The following SCN10A variants were observed in gnomAD, a reference collection of about 807,000 sequenced individuals.
SCN10A encodes the protein sodium voltage-gated channel alpha subunit 10.
SCN10A carries 162 observed loss-of-function variants against 170.7 expected under a neutral mutation model. The observed-to-expected ratio is 0.95, with a 90% CI of 0.84 to 1.08. SCN10A has a LOEUF of 1.08. SCN10A is among the 50% of genes least tolerant of loss of function. The probability of loss-of-function intolerance (pLI) is 0.00; values close to 1 mark genes in which losing one functional copy is unlikely to be tolerated. For missense variants in SCN10A, 2,527 were observed against 2,436.9 expected, an observed-to-expected ratio of 1.04 and a Z score of -0.78; for synonymous variants, 985 against 904.6, an observed-to-expected ratio of 1.09 and a Z score of -1.59.
chr3:38,697,353 G>A lies in SCN10A; in HGVS notation c.5867C>T (p.Pro1956Leu). Residue 1956 changes from proline (P) to leucine (L), a missense_variant, in exon 28 of 28, where the codon CCC (proline) becomes CTC (leucine). Physicochemically the swap from Pro to Leu is moderately conservative, Grantham distance 98. Transcript: ENST00000449082. ...ATCCAGGCTGGAGTGTTCTCACTAG[G>A]GCCCAGGGGCAATCAGCTCCATACT... ...ATSMELIAPG[P>L] The A allele has an allele frequency of 6.2e-7, 1 of 1,613,192 alleles. No individual in the cohort carries two copies. The highest frequency in any genetic ancestry group is 1.1e-5 in the South Asian group (1 of 91,060).
At chr3:38,772,329 AAAAAAAAAAGAAAAG>A (rs1222078766) in intron 4 of SCN10A, among the ~76,000 whole-genome samples, 2 of 151,736 alleles carry the variant, frequency 1.3e-5, no homozygotes, top group African/African-American at 4.8e-5. Context: ...ACTGAAAAAA[AAAAAAAAAAGAAAAG>A]AAAAGAAAAG....
intron 20 of SCN10A, among the ~76,000 whole-genome samples, chr3:38,720,179 G>C (rs2063375631): frequency 1.3e-5 from 2 of 152,344 alleles, no homozygotes; most frequent in African/African-American, 4.8e-5. Flanking sequence ...ACTAAGATGG[G>C]AGATTATCCA....
chr3:38,804,220 TC>T (rs2064392341), intron 1 of SCN10A, among the ~76,000 whole-genome samples: 1 of 152,166 alleles, frequency 6.6e-6, no homozygotes, highest in African/African-American at 2.4e-5. Context: ...CAATATTGCC[TC>T]TGTTTTTCAA....
intron 1 of SCN10A, among the ~76,000 whole-genome samples, chr3:38,800,254 G>A (rs563770388): frequency 1.3e-5 from 2 of 152,274 alleles, no homozygotes; most frequent in South Asian, 4.1e-4. Context: ...AACTTCACAT[G>A]CCAGTCCACA....
chr3:38,795,726 C>T (rs199518078), intron 1 of SCN10A, among the ~76,000 whole-genome samples: 3 of 152,138 alleles, frequency 2.0e-5, no homozygotes, highest in Admixed American at 1.3e-4. Flanking sequence ...AATAATGGCA[C>T]TCTATCTTTT....
At chr3:38,806,010 A>G (rs2064402512) in intron 1 of SCN10A, among the ~76,000 whole-genome samples, 1 of 152,162 alleles carries the variant, frequency 6.6e-6, no homozygotes, top group Admixed American at 6.6e-5. Context: ...TGACCGTGGT[A>G]CTGAACAAGA....
intron 4 of SCN10A, among the ~76,000 whole-genome samples, chr3:38,781,498 G>T (rs1472779136): frequency 3.3e-5 from 5 of 152,106 alleles, no homozygotes; most frequent in Admixed American, 6.5e-5. Flanking sequence ...AATGAATTGG[G>T]CTATGAAGTT....
chr3:38,772,090 TGAA>T (rs1346413483), intron 4 of SCN10A, among the ~76,000 whole-genome samples: 3 of 152,076 alleles, frequency 2.0e-5, no homozygotes, highest in African/African-American at 7.2e-5. Flanking sequence ...TCTTAAGAGT[TGAA>T]GAAGAGGGAA....
At position 38,728,652 on chromosome 3, in the gene SCN10A, G is replaced by C; in HGVS notation, c.2530C>G (p.Arg844Gly). 1 of 1,614,194 alleles carries C rather than the reference G, an allele frequency of 6.2e-7. No homozygotes were observed. Residue 844 changes from arginine (R) to glycine (G), a missense_variant, in exon 16 of 28, where the codon CGT (arginine) becomes GGT (glycine). Transcript: ENST00000449082. ...TCAATCCACTCTCCACAGAGGATACGGAAGACAATGAGGAAAGAGTGGAAG... is the reference window on the plus strand; with the variant it reads ...TCAATCCACTCTCCACAGAGGATACCGAAGACAATGAGGAAAGAGTGGAAG... ...DFFHSFLIVF[R>G]ILCGEWIENM... is the part of the protein sequence containing the mutation.
At chr3:38,808,184 G>A (rs530517011) in intron 1 of SCN10A, among the ~76,000 whole-genome samples, 2 of 152,024 alleles carry the variant, frequency 1.3e-5, no homozygotes, top group East Asian at 1.9e-4. Flanking sequence ...AGTTACCCTG[G>A]TCTTCTTTCA....
Position 38,792,202 on chromosome 3 carries a change from A to G in SCN10A, c.271-34T>C, listed in dbSNP as rs749515018. ...AAACAAAACAGAAAGTGGACCTCCA[A>G]TGAGAAACAAGATTCCTTATACAAC... On this transcript the variant is annotated intron_variant, in intron 2 of 27. Coordinates refer to ENST00000449082, the MANE Select transcript of SCN10A (RefSeq NM_006514.4). The G allele has an allele frequency of 1.7e-5, 27 of 1,609,330 alleles. No individual in the cohort carries two copies. The East Asian group carries it at 3.8e-4, about 23-fold the overall frequency.
intron 1 of SCN10A, 54 bp from the exon 2 acceptor site, chr3:38,794,096 T>G: frequency 8.3e-7 from 1 of 1,210,670 alleles, no homozygotes; most frequent in Non-Finnish European, 1.2e-6. Context: ...ACTGGCCCTG[T>G]CCCTCTCATC....
At chr3:38,807,198 A>G (rs553039607) in intron 1 of SCN10A, among the ~76,000 whole-genome samples, 5 of 152,330 alleles carry the variant, frequency 3.3e-5, no homozygotes, top group African/African-American at 9.6e-5. Flanking sequence ...GAAGAATACT[A>G]AAGTCACTAA....
chr3:38,701,894 G>T lies in SCN10A; in HGVS notation c.4602C>A (p.Tyr1534Ter), dbSNP rs745506408. Residue 1534 changes from tyrosine (Y) to a stop codon, truncating the protein, a stop_gained, in exon 27 of 28, where the codon TAC (tyrosine) becomes TAA (stop). Coordinates refer to ENST00000449082, the MANE Select transcript of SCN10A (RefSeq NM_006514.4). LOFTEE classifies it high-confidence loss of function. ...VMKMFALRQY[Y>*]FTNGWNVFDF... ...CAAACACATTCCAGCCATTTGTGAA[G>T]TAGTACTGCCTCAAAGCGAACATCT... 22 of 1,613,930 alleles carry T rather than the reference G, an allele frequency of 1.4e-5. No homozygotes were observed. The highest frequency in any genetic ancestry group is 1.6e-4 in the Middle Eastern group (1 of 6,084).
chr3:38,804,056 A>G (rs62244116), intron 1 of SCN10A, among the ~76,000 whole-genome samples: 1 of 152,108 alleles, frequency 6.6e-6, no homozygotes, highest in Non-Finnish European at 1.5e-5. Context: ...TGAAGCCTAT[A>G]GTTTCTGTAG....
intron 4 of SCN10A, among the ~76,000 whole-genome samples, chr3:38,787,044 T>A (rs2064213597): frequency 6.6e-6 from 1 of 152,170 alleles, no homozygotes; most frequent in African/African-American, 2.4e-5. Context: ...ATTTAAAGTT[T>A]AAAGTTTGTC....
rs567101152 is a variant in SCN10A, at chr3:38,752,806, C to T, written c.1462-294G>A. On this transcript the variant is annotated intron_variant, in intron 11 of 27. Coordinates refer to ENST00000449082, the MANE Select transcript of SCN10A (RefSeq NM_006514.4). The stretch of plus-strand genomic sequence containing the variant: ...GAACATGTCAGAGGAAACCTTGTCA[C>T]CTGGATAGTTCAGTTGATTGCCAAC... Among the ~76,000 whole-genome samples, 201 of 152,280 alleles carry T rather than the reference C, an allele frequency of 1.3e-3. 1 individual carries two copies. Among genetic ancestry groups the T allele is most frequent in the Middle Eastern group, 6.8e-3 (2 of 294 alleles).
chr3:38,786,395 G>T (rs112666781), intron 4 of SCN10A, among the ~76,000 whole-genome samples: 1 of 151,946 alleles, frequency 6.6e-6, no homozygotes, highest in African/African-American at 2.4e-5. Context: ...ACCAAACACC[G>T]CATGTTCTCA....
chr3:38,714,920 A>T (rs2063319437), intron 21 of SCN10A, among the ~76,000 whole-genome samples: 1 of 152,202 alleles, frequency 6.6e-6, no homozygotes, highest in African/African-American at 2.4e-5. Context: ...TAGCCACACC[A>T]CAGATGGTGG....
Sources: gnomAD v4.1 joint callset for allele counts (sites outside exome capture counted in the v4.1 genomes callset) on GRCh38, gnomAD v4.1.1 for gene constraint, MANE v1.5 for transcripts, NCBI Gene and HGNC (gene_info 2026-07-23, HGNC 2026-07-21) for gene names.